The following UNC13C variants were observed in gnomAD, a reference collection of about 807,000 sequenced individuals.
UNC13C encodes the protein unc-13 homolog C.
In UNC13C, 174 loss-of-function variants were observed where a neutral mutation model predicts 245.4. The observed-to-expected ratio is 0.71, with a 90% confidence interval of 0.63 to 0.80. The LOEUF (loss-of-function observed/expected upper bound fraction) is 0.80, where lower values mean the gene tolerates loss of function less well. UNC13C is among the 30% of genes least tolerant of loss of function. The pLI, the probability that UNC13C is intolerant of heterozygous loss-of-function variation, is 0.00. For synonymous variants in UNC13C, 992 were observed against 895.1 expected (o/e 1.11, Z -1.93); for missense variants, 2,829 against 2,602.9 (o/e 1.09, Z -1.89).
At chr15:54,172,758 A>C (rs1010322501) in intron 4 of UNC13C, among the ~76,000 whole-genome samples, 18 of 98,080 alleles carry the variant, frequency 1.8e-4, no homozygotes, top group Admixed American at 4.4e-4. Flanking sequence ...ATATATATAT[A>C]TATCTTTACT....
At chr15:54,220,311 T>C (rs577365270) in intron 4 of UNC13C, among the ~76,000 whole-genome samples, 6,679 of 147,446 alleles carry the variant, frequency 0.045, 570 homozygotes, top group African/African-American at 0.17. Flanking sequence ...ATGGATGAAA[T>C]TGGAAATCAT....
chr15:54,203,719 C>G (rs1456950123), intron 4 of UNC13C, among the ~76,000 whole-genome samples: 1 of 140,998 alleles, frequency 7.1e-6, no homozygotes, highest in Non-Finnish European at 1.6e-5. Context: ...TATATATACA[C>G]ACATATATAC....
At chr15:54,454,680 T>C (rs1212399855) in intron 19 of UNC13C, among the ~76,000 whole-genome samples, 1 of 152,168 alleles carries the variant, frequency 6.6e-6, no homozygotes, top group Non-Finnish European at 1.5e-5. Context: ...CTCATGTAGG[T>C]GGAATCATAC....
chr15:54,268,469 A>G (rs995325044), intron 10 of UNC13C, among the ~76,000 whole-genome samples: 1 of 152,208 alleles, frequency 6.6e-6, no homozygotes, highest in African/African-American at 2.4e-5. Context: ...TTTTTCTGCT[A>G]CTTTGCTTGC....
intron 2 of UNC13C, among the ~76,000 whole-genome samples, chr15:54,127,000 A>G (rs1236972558): frequency 6.6e-6 from 1 of 152,222 alleles, no homozygotes; most frequent in Non-Finnish European, 1.5e-5. Flanking sequence ...CAAAACCACA[A>G]TGAGATACCA....
At position 54,122,187 on chromosome 15, in the gene UNC13C, G is replaced by T. The variant is rs767481660; in HGVS notation, c.2984-20831G>T. ...GGGCACTTTGTTAAATTGTAGAAAT[G>T]ATAACAGTCCTATGTGTCTGATTTC... On this transcript the variant is annotated intron_variant, in intron 2 of 32. Coordinates refer to ENST00000260323, the MANE Select transcript of UNC13C (RefSeq NM_001080534.3). Among the ~76,000 whole-genome samples, 6 of 151,736 alleles carry T rather than the reference G, an allele frequency of 4.0e-5. No individual in the cohort carries two copies. In the South Asian group the frequency reaches 8.3e-4, roughly 21 times the overall value.
At chr15:53,904,998 T>C in the UNC13C span, among the ~76,000 whole-genome samples, 67 of 152,246 alleles carry the variant, frequency 4.4e-4, no homozygotes, top group Non-Finnish European at 6.2e-4. Flanking sequence ...CCAAGGGCCT[T>C]GGAATTGAGG....
At chr15:54,463,654 C>T (rs574473453) in intron 19 of UNC13C, among the ~76,000 whole-genome samples, 127 of 152,232 alleles carry the variant, frequency 8.3e-4, no homozygotes, top group African/African-American at 2.9e-3. Flanking sequence ...ATCCGAACAT[C>T]AGAAGGAACA....
chr15:54,029,264 C>T (rs1400851087), intron 2 of UNC13C, among the ~76,000 whole-genome samples: 2 of 152,172 alleles, frequency 1.3e-5, no homozygotes, highest in African/African-American at 4.8e-5. Context: ...AACTGTGTTG[C>T]CTCGGGGCAA....
chr15:54,537,477 A>T (rs1896034411), intron 26 of UNC13C, among the ~76,000 whole-genome samples: 1 of 152,164 alleles, frequency 6.6e-6, no homozygotes, highest in Non-Finnish European at 1.5e-5. Context: ...AATTAGAAAA[A>T]AAAAATTTCA....
At chr15:54,029,573 AAAAT>A (rs1179395668) in intron 2 of UNC13C, among the ~76,000 whole-genome samples, 4 of 152,248 alleles carry the variant, frequency 2.6e-5, no homozygotes, top group Admixed American at 1.3e-4. Context: ...AAGACACAGA[AAAAT>A]AAATAACTGG....
chr15:54,061,002 G>T (rs943868309), intron 2 of UNC13C, among the ~76,000 whole-genome samples: 3 of 152,050 alleles, frequency 2.0e-5, no homozygotes, highest in Admixed American at 6.6e-5. Context: ...AGCATTAGGA[G>T]ATATACCTAA....
chr15:53,969,965 TTTTG>T, the UNC13C span, among the ~76,000 whole-genome samples: 2 of 152,232 alleles, frequency 1.3e-5, no homozygotes, highest in Admixed American at 6.5e-5. Context: ...TATAGTATGT[TTTTG>T]TTTGTTTGTT....
At position 54,013,474 on chromosome 15, in the gene UNC13C, C is replaced by A; in HGVS notation, c.571C>A (p.Gln191Lys). The A allele has an allele frequency of 1.9e-6, 3 of 1,613,794 alleles. No individual in the cohort carries two copies. The highest frequency in any genetic ancestry group is 2.5e-6 in the Non-Finnish European group (3 of 1,179,848). Residue 191 changes from glutamine to lysine, a missense_variant, in exon 2 of 33, where the codon CAA becomes AAA. Physicochemically the swap from Gln to Lys is moderately conservative, Grantham distance 53 (BLOSUM62 1). Transcript: ENST00000260323. ...AAAACTGAGAAAATGGAAAAAGAGTCAAGAATGTGTCTCCTCAGACTCAGA... is the reference window on the plus strand; with the variant it reads ...AAAACTGAGAAAATGGAAAAAGAGTAAAGAATGTGTCTCCTCAGACTCAGA... Reference protein sequence around the residue: ...LRKLRKWKKSQECVSSDSELS... With the variant: ...LRKLRKWKKSKECVSSDSELS...
At chr15:53,963,987 G>T in the UNC13C span, among the ~76,000 whole-genome samples, 2 of 152,066 alleles carry the variant, frequency 1.3e-5, no homozygotes, top group African/African-American at 4.8e-5. Context: ...ATTTGGGGAA[G>T]AACACATATT....
chr15:54,280,594 C>G (rs2036954034), intron 10 of UNC13C, among the ~76,000 whole-genome samples: 1 of 149,540 alleles, frequency 6.7e-6, no homozygotes, highest in African/African-American at 2.4e-5. Context: ...CTCTCTCTCT[C>G]TCTCTTGCTC....
At chr15:54,099,020 A>C (rs1460620152) in intron 2 of UNC13C, among the ~76,000 whole-genome samples, 2 of 152,192 alleles carry the variant, frequency 1.3e-5, no homozygotes, top group Non-Finnish European at 2.9e-5. Flanking sequence ...TTATCTACCA[A>C]ATAATTCTCC....
the UNC13C span, among the ~76,000 whole-genome samples, chr15:53,885,675 T>C: frequency 6.6e-6 from 1 of 152,182 alleles, no homozygotes; most frequent in Non-Finnish European, 1.5e-5. Flanking sequence ...CCTGTCCTTA[T>C]AGGAGAATCG....
chr15:53,954,035 C>T, the UNC13C span, among the ~76,000 whole-genome samples: 4 of 152,214 alleles, frequency 2.6e-5, no homozygotes, highest in African/African-American at 9.7e-5. Context: ...TTTTCATATC[C>T]TCCTTTATCT....
Sources: allele counts gnomAD v4.1 joint callset (sites outside exome capture counted in the v4.1 genomes callset), GRCh38; gene constraint gnomAD v4.1.1; transcripts MANE v1.5; gene names NCBI Gene and HGNC (gene_info 2026-07-23, HGNC 2026-07-21).